SLIRP: variants seen among roughly 807,000 people sequenced by gnomAD.
SLIRP encodes the protein SRA stem-loop-interacting RNA-binding protein, mitochondrial.
Under a neutral mutation model 13.4 loss-of-function variants are expected in SLIRP, and 12 were observed. The observed-to-expected ratio is 0.89, with a 90% CI of 0.57 to 1.45. The LOEUF is 1.45. Among genes scored for constraint, SLIRP ranks in the 40% most tolerant of loss-of-function variants. The probability of loss-of-function intolerance (pLI) is 0.00; values close to 1 mark genes in which losing one functional copy is unlikely to be tolerated. For missense variants in SLIRP, 154 were observed against 132.2 expected (o/e 1.17, Z -0.81); for synonymous variants, 55 against 47.1 (o/e 1.17, Z -0.69).
intron 2 of SLIRP, among the ~76,000 whole-genome samples, chr14:77,711,201 A>G (rs1226746455): frequency 6.9e-6 from 1 of 145,604 alleles, no homozygotes; most frequent in East Asian, 1.9e-4. Context: ...ATAAATATAC[A>G]TATTTATATA....
intron 2 of SLIRP, among the ~76,000 whole-genome samples, chr14:77,714,361 C>T (rs1382857606): frequency 1.3e-5 from 2 of 152,164 alleles, no homozygotes; most frequent in East Asian, 3.9e-4. Flanking sequence ...AGTGCAGAGG[C>T]GTGATCTCAG....
At chr14:77,713,123 T>C (rs1231879706) in intron 2 of SLIRP, among the ~76,000 whole-genome samples, 1 of 152,224 alleles carries the variant, frequency 6.6e-6, no homozygotes, top group African/African-American at 2.4e-5. Flanking sequence ...TAATAAGGAC[T>C]TGAGATTTCT....
Position 77,715,795 on chromosome 14 carries a change from AGGTTTG to A in SLIRP, c.185_190del (p.Leu62_Gly63del). 2 of 1,613,400 alleles carry A rather than the reference AGGTTTG, an allele frequency of 1.2e-6. No homozygotes were observed. Among genetic ancestry groups the A allele is most frequent in the East Asian group, 4.5e-5 (2 of 44,846 alleles). ...AGGACAAGGAGACTGGCTTTCACAG[AGGTTTG>A]GGTTGGGTTCAGTTTTCTTCAGAAG... On this transcript the variant is annotated inframe_deletion, in exon 3 of 4. Transcript: ENST00000557342.
chr14:77,710,951 A>AAATAGAATG, intron 2 of SLIRP, 55 bp downstream of exon 2: 2 of 1,450,114 alleles, frequency 1.4e-6, no homozygotes, highest in Non-Finnish European at 9.7e-7. Context: ...GGTACAAAAA[A>AAATAGAATG]AATAGAATGA....
chr14:77,709,697 T>G (rs375931556), intron 1 of SLIRP, among the ~76,000 whole-genome samples: 1 of 152,248 alleles, frequency 6.6e-6, no homozygotes, highest in African/African-American at 2.4e-5. Context: ...AGGGTTACCT[T>G]CCAGAGCTGG....
In SLIRP at chr14:77,709,928, A is replaced by G. The variant is rs148943634; in HGVS notation, c.98-910A>G. ...AGCCAATATTGAGGCCCTGCTGTTTATTGGTCACTGTAAACATAGTGGTTT... is the reference window on the plus strand; with the variant it reads ...AGCCAATATTGAGGCCCTGCTGTTTGTTGGTCACTGTAAACATAGTGGTTT... On this transcript the variant is annotated intron_variant, in intron 1 of 3. Transcript: ENST00000557342. Among the ~76,000 whole-genome samples the G allele has an allele frequency of 4.7e-3, 710 of 152,212 alleles. 12 individuals carry two copies. Among genetic ancestry groups the G allele is most frequent in the Non-Finnish European group, 4.1e-3 (282 of 68,008 alleles).
intron 1 of SLIRP, chr14:77,710,586 A>G (rs1323414475): frequency 6.7e-7 from 1 of 1,484,674 alleles, no homozygotes; most frequent in Non-Finnish European, 9.0e-7. Flanking sequence ...AGTAACTGGT[A>G]TGAAAACACT....
intron 2 of SLIRP, among the ~76,000 whole-genome samples, chr14:77,713,598 C>T (rs2080456304): frequency 6.6e-6 from 1 of 152,078 alleles, no homozygotes; most frequent in African/African-American, 2.4e-5. Context: ...TTTGATCTAG[C>T]GGTTACTTTT....
Position 77,708,130 on chromosome 14 carries a change from A to G in SLIRP, c.19A>G (p.Arg7Gly), listed in dbSNP as rs11159286. 71 of 1,614,084 alleles carry G rather than the reference A, an allele frequency of 4.4e-5. No homozygotes were observed. Among genetic ancestry groups the G allele is most frequent in the African/African-American group, 3.3e-4 (25 of 75,006 alleles). The part of the protein sequence containing the change: MAASAA[R>G]GAAALRRSIN... ...TCTGAAGATGGCGGCCTCAGCAGCG[A>G]GAGGTGCTGCGGCGCTGCGTAGAAG... Residue 7 changes from arginine to glycine, a missense_variant, in exon 1 of 4, where the codon AGA becomes GGA. Coordinates refer to ENST00000557342, the MANE Select transcript of SLIRP (RefSeq NM_031210.6).
intron 3 of SLIRP, among the ~76,000 whole-genome samples, chr14:77,716,998 C>T (rs2080489713): frequency 6.6e-6 from 1 of 152,126 alleles, no homozygotes; most frequent in Non-Finnish European, 1.5e-5. Flanking sequence ...CTCCTGACCT[C>T]AGGCAATCCG....
chr14:77,717,314 A>G (rs1396099186), intron 3 of SLIRP, among the ~76,000 whole-genome samples, 182 bp from the exon 4 acceptor site: 1 of 152,218 alleles, frequency 6.6e-6, no homozygotes, highest in Non-Finnish European at 1.5e-5. Flanking sequence ...ATTGAGGGTT[A>G]GGGAGTCATA....
intron 2 of SLIRP, among the ~76,000 whole-genome samples, chr14:77,713,947 T>TA (rs574749066): frequency 6.6e-6 from 1 of 152,158 alleles, no homozygotes; most frequent in Non-Finnish European, 1.5e-5. Context: ...TTGATGTTGG[T>TA]AAAACAAAAT....
chr14:77,716,125 G>C (rs1254164590), intron 3 of SLIRP: 1 of 289,356 alleles, frequency 3.5e-6, no homozygotes, highest in Non-Finnish European at 6.5e-6. Context: ...GACCATCCTG[G>C]CTAACACGGT....
intron 3 of SLIRP, chr14:77,716,417 C>CGG (rs536552227): frequency 6.6e-6 from 1 of 151,320 alleles, no homozygotes; most frequent in Non-Finnish European, 1.5e-5. Context: ...GAGGCCGAGG[C>CGG]GGGGGGGATC....
chr14:77,709,347 C>T (rs2080422294), intron 1 of SLIRP, among the ~76,000 whole-genome samples: 1 of 152,152 alleles, frequency 6.6e-6, no homozygotes, highest in Admixed American at 6.5e-5. Flanking sequence ...TTTAGTGGCT[C>T]AGATGTGAGT....
In SLIRP at chr14:77,708,266, T is replaced by G. The variant is rs2080411800; in HGVS notation, c.97+58T>G. ...TTTAGGTCCAAGTGATCCTCAAAGC[T>G]TCTGCTTTTTGCAGGGTACTTAAGT... On this transcript the variant is annotated intron_variant, in intron 1 of 3. Coordinates refer to ENST00000557342, the MANE Select transcript of SLIRP (RefSeq NM_031210.6). 8 of 1,558,450 alleles carry G rather than the reference T, an allele frequency of 5.1e-6. No homozygotes were observed. The East Asian group carries it at 1.8e-4, about 35-fold the overall frequency.
intron 2 of SLIRP, among the ~76,000 whole-genome samples, chr14:77,713,630 A>G (rs943104212): frequency 2.6e-5 from 4 of 152,230 alleles, no homozygotes; most frequent in Non-Finnish European, 5.9e-5. Flanking sequence ...TCCTACAGAA[A>G]TGTGTGGTCA....
chr14:77,717,568 A>C lies in SLIRP; in HGVS notation c.*7A>C, dbSNP rs766722203. 1.6e-5 allele frequency: 25 copies of C among 1,610,446 alleles called. No individual in the cohort carries two copies. The highest frequency in any genetic ancestry group is 2.0e-5 in the Non-Finnish European group (24 of 1,177,474). On this transcript the variant is annotated 3_prime_UTR_variant, in exon 4 of 4. Transcript: ENST00000557342. ...TGAAAAGAAAGATTTTTGAGACTGC[A>C]GCCTATTAATAAAGTTAACATAACT...
At chr14:77,711,189 TAATA>T (rs1440715528) in intron 2 of SLIRP, among the ~76,000 whole-genome samples, 8 of 147,710 alleles carry the variant, frequency 5.4e-5, no homozygotes, top group Non-Finnish European at 8.9e-5. Flanking sequence ...ATGTACTCCA[TAATA>T]AATATACATA....
Sources: gnomAD v4.1 joint callset for allele counts (sites outside exome capture counted in the v4.1 genomes callset) on GRCh38, gnomAD v4.1.1 for gene constraint, MANE v1.5 for transcripts, NCBI Gene and HGNC (gene_info 2026-07-23, HGNC 2026-07-21) for gene names.